NTM: variants seen among roughly 807,000 people sequenced by gnomAD.
NTM encodes IgLON family member 2.
In NTM, 13 loss-of-function variants were observed where a neutral mutation model predicts 42.1. The observed-to-expected ratio is 0.31, with a 90% CI of 0.20 to 0.49. The LOEUF (loss-of-function observed/expected upper bound fraction) is 0.49. NTM is among the 20% of genes least tolerant of loss of function. The pLI is 0.99. For synonymous variants in NTM, 187 were observed against 179.2 expected, an observed-to-expected ratio of 1.04 and a Z score of -0.35; for missense variants, 373 against 452.8, an observed-to-expected ratio of 0.82 and a Z score of 1.60.
chr11:131,879,206 T>C (rs1201208251), intron 1 of NTM, among the ~76,000 whole-genome samples: 3 of 152,186 alleles, frequency 2.0e-5, no homozygotes, highest in Non-Finnish European at 4.4e-5. Context: ...ACCTCGAACC[T>C]GGATCTTTCC....
At chr11:131,439,524 C>T (rs1025205653) in intron 1 of NTM, among the ~76,000 whole-genome samples, 3 of 152,200 alleles carry the variant, frequency 2.0e-5, no homozygotes, top group African/African-American at 7.2e-5. Flanking sequence ...GGTGGATGCC[C>T]CTCCCCCTGC....
chr11:132,124,036 G>A (rs1364802833), intron 2 of NTM, among the ~76,000 whole-genome samples: 2 of 152,196 alleles, frequency 1.3e-5, no homozygotes, highest in Admixed American at 1.3e-4. Flanking sequence ...TGCAGGTAAA[G>A]TGGAGATATT....
At chr11:132,079,810 G>A (rs897950420) in intron 2 of NTM, among the ~76,000 whole-genome samples, 1 of 152,100 alleles carries the variant, frequency 6.6e-6, no homozygotes, top group African/African-American at 2.4e-5. Flanking sequence ...TAATATGATT[G>A]CATAATCCAT....
chr11:132,165,933 G>A (rs2075199207), intron 3 of NTM, among the ~76,000 whole-genome samples: 1 of 152,142 alleles, frequency 6.6e-6, no homozygotes, highest in African/African-American at 2.4e-5. Context: ...GCACCTCAGA[G>A]GAAGTGAGAG....
chr11:131,992,037 T>C (rs1423718852), intron 2 of NTM, among the ~76,000 whole-genome samples: 1 of 152,158 alleles, frequency 6.6e-6, no homozygotes, highest in Non-Finnish European at 1.5e-5. Flanking sequence ...AAATACACAG[T>C]TGATTCTTGA....
chr11:131,938,677 C>T (rs2134181317), intron 2 of NTM, among the ~76,000 whole-genome samples: 1 of 152,220 alleles, frequency 6.6e-6, no homozygotes, highest in East Asian at 1.9e-4. Context: ...AAATACTGTT[C>T]CGGAGCTTCC....
chr11:131,545,487 T>C (rs2053808907), intron 1 of NTM, among the ~76,000 whole-genome samples: 1 of 152,128 alleles, frequency 6.6e-6, no homozygotes. Context: ...TATGGATTTA[T>C]TCATCCATAC....
chr11:132,142,075 G>A (rs1260304519), intron 2 of NTM, among the ~76,000 whole-genome samples: 1 of 152,216 alleles, frequency 6.6e-6, no homozygotes, highest in African/African-American at 2.4e-5. Flanking sequence ...TGGCAGGATG[G>A]GCAGAGAGGA....
chr11:131,429,159 G>A (rs576897387), intron 1 of NTM, among the ~76,000 whole-genome samples: 4 of 152,168 alleles, frequency 2.6e-5, no homozygotes, highest in Admixed American at 6.5e-5. Context: ...GATGCTTTGC[G>A]TCTGATTTTT....
intron 1 of NTM, among the ~76,000 whole-genome samples, chr11:131,632,506 G>C (rs74413637): frequency 6.6e-6 from 1 of 151,984 alleles, no homozygotes; most frequent in Admixed American, 6.6e-5. Flanking sequence ...ATGGACAATG[G>C]TCTTAGACCA....
At chr11:131,889,397 G>A (rs1308955585) in intron 1 of NTM, among the ~76,000 whole-genome samples, 1 of 152,168 alleles carries the variant, frequency 6.6e-6, no homozygotes, top group African/African-American at 2.4e-5. Flanking sequence ...CAGCCAGGCT[G>A]GCCTCACACA....
intron 1 of NTM, among the ~76,000 whole-genome samples, chr11:131,495,075 A>G (rs917705243): frequency 6.6e-6 from 1 of 152,216 alleles, no homozygotes; most frequent in Non-Finnish European, 1.5e-5. Context: ...ATTTAAAAAC[A>G]TGAGGGAAAA....
At chr11:131,975,793 G>A (rs929742461) in intron 2 of NTM, among the ~76,000 whole-genome samples, 1 of 152,132 alleles carries the variant, frequency 6.6e-6, no homozygotes, top group Admixed American at 6.5e-5. Context: ...GTCATGAGAG[G>A]AGAGGATTTC....
intron 2 of NTM, among the ~76,000 whole-genome samples, chr11:131,987,053 A>T (rs940549106): frequency 6.6e-6 from 1 of 152,204 alleles, no homozygotes; most frequent in Non-Finnish European, 1.5e-5. Context: ...TTTTGCTTAC[A>T]TTATTTCATT....
At chr11:132,327,105 T>C (rs904005240) in intron 7 of NTM, among the ~76,000 whole-genome samples, 1 of 152,180 alleles carries the variant, frequency 6.6e-6, no homozygotes, top group African/African-American at 2.4e-5. Context: ...CTCCTATTAA[T>C]ATTTGGTGGT....
chr11:131,780,416 T>C (rs777178355), intron 1 of NTM, among the ~76,000 whole-genome samples: 1 of 152,054 alleles, frequency 6.6e-6, no homozygotes, highest in Non-Finnish European at 1.5e-5. Flanking sequence ...CATTCTCAAA[T>C]GTAGGAGTTT....
intron 4 of NTM, among the ~76,000 whole-genome samples, chr11:132,215,968 C>G (rs959016743): frequency 6.6e-6 from 1 of 152,178 alleles, no homozygotes; most frequent in East Asian, 1.9e-4. Flanking sequence ...GCACAGGCAC[C>G]GTTGGTGGAA....
At chr11:132,061,954 TA>T (rs1422830030) in intron 2 of NTM, among the ~76,000 whole-genome samples, 10 of 151,956 alleles carry the variant, frequency 6.6e-5, no homozygotes, top group East Asian at 3.9e-4. Flanking sequence ...GTGGATCAGA[TA>T]GGGGGTATCA....
At chr11:131,382,161 A>C (rs1232438118) in intron 1 of NTM, among the ~76,000 whole-genome samples, 1 of 152,166 alleles carries the variant, frequency 6.6e-6, no homozygotes, top group Non-Finnish European at 1.5e-5. Flanking sequence ...ATGGGATACA[A>C]GCATAAGATG....
Sources: gnomAD v4.1 joint callset for allele counts (sites outside exome capture counted in the v4.1 genomes callset) on GRCh38, gnomAD v4.1.1 for gene constraint, MANE v1.5 for transcripts, NCBI Gene and HGNC (gene_info 2026-07-23, HGNC 2026-07-21) for gene names.